The following POLR3B variants were observed in gnomAD, a reference collection of about 807,000 sequenced individuals.
POLR3B encodes the protein DNA-directed RNA polymerase III subunit RPC2.
A neutral mutation model predicts 147.4 loss-of-function variants in POLR3B; 96 were observed. That is an observed-to-expected ratio of 0.65 (90% confidence interval 0.55 to 0.77). POLR3B has a LOEUF of 0.77. Among genes scored for constraint, POLR3B ranks in the 30% least tolerant of loss-of-function variants. POLR3B has a pLI of 0.00. For synonymous variants in POLR3B, 461 were observed against 485.9 expected (o/e 0.95, Z 0.67); for missense variants, 1,036 against 1,413.5 (o/e 0.73, Z 4.28).
intron 1 of POLR3B, among the ~76,000 whole-genome samples, chr12:106,359,927 G>C (rs1264161349): frequency 1.3e-5 from 2 of 152,176 alleles, no homozygotes. Context: ...ATAAGCCTGG[G>C]AGATTTCTAT....
At chr12:106,395,979 G>A (rs6539268) in intron 10 of POLR3B, among the ~76,000 whole-genome samples, 7 of 151,802 alleles carry the variant, frequency 4.6e-5, no homozygotes, top group African/African-American at 1.5e-4. Flanking sequence ...TTTATGCCTC[G>A]CTTTGTAGTC....
At chr12:106,387,424 G>A (rs944117219) in intron 9 of POLR3B, among the ~76,000 whole-genome samples, 1 of 152,024 alleles carries the variant, frequency 6.6e-6, no homozygotes, top group Non-Finnish European at 1.5e-5. Flanking sequence ...TGTGCACATT[G>A]CTGATTGTTT....
At chr12:106,403,254 A>C (rs2037097506) in intron 10 of POLR3B, among the ~76,000 whole-genome samples, 1 of 151,752 alleles carries the variant, frequency 6.6e-6, no homozygotes, top group South Asian at 2.1e-4. Flanking sequence ...TCAAAACCAC[A>C]ATGAGATACC....
intron 23 of POLR3B, among the ~76,000 whole-genome samples, chr12:106,469,269 C>CAT (rs1555215962): frequency 7.8e-6 from 1 of 128,430 alleles, no homozygotes; most frequent in Non-Finnish European, 1.6e-5. Context: ...GCAACCCCTG[C>CAT]TTTTTTTTTT....
chr12:106,508,267 C>A (rs1014987913), intron 27 of POLR3B, among the ~76,000 whole-genome samples: 1 of 152,182 alleles, frequency 6.6e-6, no homozygotes, highest in Non-Finnish European at 1.5e-5. Flanking sequence ...TGTGCACATA[C>A]CTTTGCCACT....
chr12:106,453,251 G>A (rs2037820846), intron 19 of POLR3B, among the ~76,000 whole-genome samples: 3 of 151,914 alleles, frequency 2.0e-5, no homozygotes, highest in Admixed American at 1.3e-4. Flanking sequence ...AGCTCAAGCA[G>A]TCCACCCACA....
intron 23 of POLR3B, among the ~76,000 whole-genome samples, chr12:106,485,731 A>T (rs2038328540): frequency 1.3e-5 from 2 of 152,166 alleles, no homozygotes; most frequent in South Asian, 4.1e-4. Context: ...TTGGCATTAG[A>T]CAAGGGCAGA....
chr12:106,472,645 G>T (rs2038110425), intron 23 of POLR3B, among the ~76,000 whole-genome samples: 1 of 146,142 alleles, frequency 6.8e-6, no homozygotes, highest in Admixed American at 6.8e-5. Context: ...GTGTTTTTTG[G>T]CTGCATAAAT....
chr12:106,420,443 G>A (rs897576039), intron 12 of POLR3B, among the ~76,000 whole-genome samples: 5 of 152,134 alleles, frequency 3.3e-5, no homozygotes, highest in Non-Finnish European at 5.9e-5. Context: ...GCTTCCCAGT[G>A]TGGCTTGGAC....
chr12:106,477,891 CTTTTT>C lies in POLR3B; in HGVS notation c.2713+14297_2713+14301del, dbSNP rs34915594. 1.1e-3 allele frequency among the ~76,000 whole-genome samples: 79 copies of C among 70,550 alleles called. 1 individual carries two copies. Among genetic ancestry groups the C allele is most frequent in the Admixed American group, 1.9e-3 (8 of 4,276 alleles). 46.3% of individuals were successfully genotyped at this position (70,550 alleles called of 152,430 possible). On this transcript the variant is annotated intron_variant, in intron 23 of 27. Coordinates refer to ENST00000228347, the MANE Select transcript of POLR3B (RefSeq NM_018082.6). The stretch of plus-strand genomic sequence containing the variant: ...CTATTCGGCCATCTTGGCTCCTCCC[CTTTTT>C]TTTTTTTTTTTTTTTTTTTTTTTTT...
chr12:106,380,043 G>GA lies in POLR3B; in HGVS notation c.634dup (p.Ser212LysfsTer17). ...TATTTACTCATAGCTCTACCCATGA[G>GA]AAAAAAAGCAGAACCAATATGGCTG... On this transcript the variant is annotated frameshift_variant, in exon 9 of 28. Transcript: ENST00000228347. LOFTEE classifies it high-confidence loss of function. 2.5e-6 allele frequency: 4 copies of GA among 1,611,624 alleles called. No homozygotes were observed. Among genetic ancestry groups the GA allele is most frequent in the South Asian group, 1.1e-5 (1 of 91,050 alleles).
chr12:106,450,560 C>T (rs2037781597), intron 19 of POLR3B, among the ~76,000 whole-genome samples: 1 of 152,116 alleles, frequency 6.6e-6, no homozygotes, highest in Non-Finnish European at 1.5e-5. Context: ...AAGCACTTCA[C>T]AAAGTTTTGG....
chr12:106,478,441 G>A (rs7969743), intron 23 of POLR3B, among the ~76,000 whole-genome samples: 84,653 of 151,876 alleles, frequency 0.56, 25,593 homozygotes, highest in East Asian at 0.94. Flanking sequence ...GTCTCTTTGC[G>A]AAACTGAAGG....
intron 18 of POLR3B, among the ~76,000 whole-genome samples, chr12:106,440,007 A>C (rs899555834): frequency 1.3e-5 from 2 of 152,180 alleles, no homozygotes; most frequent in Non-Finnish European, 2.9e-5. Context: ...AGTGAGCTAT[A>C]CTTGGAACAC....
At chr12:106,413,341 G>T (rs905013473) in intron 12 of POLR3B, among the ~76,000 whole-genome samples, 9 of 152,080 alleles carry the variant, frequency 5.9e-5, no homozygotes, top group African/African-American at 2.2e-4. Flanking sequence ...GTCACCATTT[G>T]GTGGTGGAGA....
intron 10 of POLR3B, among the ~76,000 whole-genome samples, chr12:106,403,238 T>C (rs1399515394): frequency 6.6e-6 from 1 of 151,388 alleles, no homozygotes; most frequent in Non-Finnish European, 1.5e-5. Flanking sequence ...ATCAGAGAAA[T>C]GCAAATCAAA....
At chr12:106,386,586 A>T (rs1408730635) in intron 9 of POLR3B, among the ~76,000 whole-genome samples, 1 of 152,092 alleles carries the variant, frequency 6.6e-6, no homozygotes, top group Non-Finnish European at 1.5e-5. Flanking sequence ...AACATTAAGT[A>T]CTGTTTTTTG....
rs75217257 is a variant in POLR3B at position 106,510,131 on chromosome 12, C to G, written c.*582C>G. 883 of 164,710 alleles carry G rather than the reference C, an allele frequency of 5.4e-3. 8 individuals carry two copies. The highest frequency in any genetic ancestry group is 0.02 in the African/African-American group (825 of 41,686). 10.2% of individuals were successfully genotyped at this position (164,710 alleles called of 1,614,324 possible). ...AGAATGTCGTCTTCTCCTATGGACT[C>G]AATTGCTATTATTTTAAACCTGCAT... is the stretch of plus-strand genomic sequence containing the variant. On this transcript the variant is annotated 3_prime_UTR_variant, in exon 28 of 28. Coordinates refer to ENST00000228347, the MANE Select transcript of POLR3B (RefSeq NM_018082.6).
chr12:106,418,864 T>TA (rs1232360146), intron 12 of POLR3B, among the ~76,000 whole-genome samples: 24 of 152,300 alleles, frequency 1.6e-4, no homozygotes, highest in African/African-American at 5.8e-4. Context: ...GTAGGAAAAT[T>TA]TAATAATGAG....
Sources: gnomAD v4.1 joint callset for allele counts (sites outside exome capture counted in the v4.1 genomes callset) on GRCh38, gnomAD v4.1.1 for gene constraint, MANE v1.5 for transcripts, NCBI Gene and HGNC (gene_info 2026-07-23, HGNC 2026-07-21) for gene names.